GALNT13: variants seen among roughly 807,000 people sequenced by gnomAD.
GALNT13 encodes UDP-GalNAc:polypeptide N-acetylgalactosaminyltransferase 13.
GALNT13 carries 28 observed loss-of-function variants against 64.2 expected under a neutral mutation model. That is an observed-to-expected ratio of 0.44 (90% confidence interval 0.32 to 0.60). The LOEUF is 0.60. GALNT13 is among the 20% of genes least tolerant of loss of function. GALNT13 has a pLI of 0.05. For missense variants in GALNT13, 577 were observed against 669.8 expected (o/e 0.86, Z 1.53); for synonymous variants, 214 against 224.6 (o/e 0.95, Z 0.42).
chr2:153,835,954 C>A, the GALNT13 span, among the ~76,000 whole-genome samples: 3 of 151,940 alleles, frequency 2.0e-5, no homozygotes, highest in Non-Finnish European at 4.4e-5. Flanking sequence ...AATAGTGAAC[C>A]TATCAAAAGC....
At chr2:153,110,560 C>G in the GALNT13 span, among the ~76,000 whole-genome samples, 9 of 152,168 alleles carry the variant, frequency 5.9e-5, no homozygotes, top group South Asian at 1.0e-3. Flanking sequence ...GGATCAGGAG[C>G]TTTTGTTCCT....
chr2:153,690,379 A>C, the GALNT13 span, among the ~76,000 whole-genome samples: 3 of 152,258 alleles, frequency 2.0e-5, no homozygotes, highest in Middle Eastern at 6.8e-3. Context: ...ATTTATAGTC[A>C]AGCCTCTCTG....
At chr2:153,422,749 G>A in the GALNT13 span, among the ~76,000 whole-genome samples, 1 of 151,590 alleles carries the variant, frequency 6.6e-6, no homozygotes, top group Admixed American at 6.6e-5. Flanking sequence ...ACACTTTACA[G>A]AATAGATTCA....
chr2:153,420,751 AG>A, the GALNT13 span: 4 of 230,784 alleles, frequency 1.7e-5, no homozygotes, highest in African/African-American at 9.2e-5. Context: ...ATGTCCTCAC[AG>A]GCCTCAGAAA....
the GALNT13 span, among the ~76,000 whole-genome samples, chr2:153,717,162 A>G: frequency 5.9e-5 from 9 of 152,168 alleles, no homozygotes; most frequent in Admixed American, 1.3e-4. Flanking sequence ...GCATTCCCCA[A>G]TGAACATCTC....
the GALNT13 span, among the ~76,000 whole-genome samples, chr2:153,308,917 G>C: frequency 6.6e-6 from 1 of 151,924 alleles, no homozygotes; most frequent in Non-Finnish European, 1.5e-5. Flanking sequence ...AGGAGAGAAA[G>C]AGAAAAAAAA....
the GALNT13 span, among the ~76,000 whole-genome samples, chr2:153,554,712 C>G: frequency 6.6e-6 from 1 of 151,454 alleles, no homozygotes; most frequent in Non-Finnish European, 1.5e-5. Context: ...GTGTGCCACA[C>G]AAACTTTGTA....
At chr2:153,839,715 A>T in the GALNT13 span, among the ~76,000 whole-genome samples, 8 of 151,950 alleles carry the variant, frequency 5.3e-5, no homozygotes, top group Non-Finnish European at 1.0e-4. Context: ...TCTGTTTTGA[A>T]ATATACATTT....
chr2:153,074,679 TA>T, the GALNT13 span, among the ~76,000 whole-genome samples: 1 of 152,216 alleles, frequency 6.6e-6, no homozygotes, highest in African/African-American at 2.4e-5. Context: ...ATCATTGACG[TA>T]AATGTCATTA....
At chr2:153,707,944 T>A in the GALNT13 span, among the ~76,000 whole-genome samples, 5 of 152,122 alleles carry the variant, frequency 3.3e-5, no homozygotes, top group African/African-American at 4.8e-5. Context: ...TTAATTAGAC[T>A]GAGAAAATTA....
intron 8 of GALNT13, among the ~76,000 whole-genome samples, chr2:154,295,715 G>A (rs1484026386): frequency 6.6e-6 from 1 of 151,958 alleles, no homozygotes; most frequent in East Asian, 1.9e-4. Flanking sequence ...CTTGATTTTT[G>A]TAGGCACACA....
the GALNT13 span, among the ~76,000 whole-genome samples, chr2:153,605,896 A>C: frequency 6.6e-6 from 1 of 152,114 alleles, no homozygotes; most frequent in Non-Finnish European, 1.5e-5. Flanking sequence ...CTGAGATTTC[A>C]CGCAGTGTCT....
intron 8 of GALNT13, among the ~76,000 whole-genome samples, chr2:154,283,622 C>T (rs1203540110): frequency 8.0e-5 from 12 of 150,592 alleles, no homozygotes; most frequent in Admixed American, 7.9e-4. Flanking sequence ...AATGTAGAAA[C>T]GTGATGCTTT....
chr2:154,446,824 A>G, intron 12 of GALNT13: 5 of 1,416,094 alleles, frequency 3.5e-6, no homozygotes, highest in Non-Finnish European at 4.6e-6. Context: ...TCAGTTATTG[A>G]AATCTGGAAA....
At chr2:154,029,542 G>C (rs1462183174) in intron 3 of GALNT13, among the ~76,000 whole-genome samples, 1 of 152,114 alleles carries the variant, frequency 6.6e-6, no homozygotes, top group African/African-American at 2.4e-5. Flanking sequence ...CTCCTGAGTA[G>C]AATGATTCAA....
At chr2:154,111,304 GACCTT>G (rs1368505432) in intron 3 of GALNT13, among the ~76,000 whole-genome samples, 13 of 152,230 alleles carry the variant, frequency 8.5e-5, no homozygotes, top group African/African-American at 3.1e-4. Flanking sequence ...GTTTCCCATT[GACCTT>G]AATCACAGGG....
the GALNT13 span, among the ~76,000 whole-genome samples, chr2:153,747,387 ATTT>A: frequency 1.0e-5 from 1 of 97,588 alleles, no homozygotes; most frequent in Non-Finnish European, 2.1e-5. Flanking sequence ...TCTGGTAATC[ATTT>A]TTCTATTCTC....
At chr2:154,121,632 A>G (rs1238643906) in intron 3 of GALNT13, among the ~76,000 whole-genome samples, 1 of 151,950 alleles carries the variant, frequency 6.6e-6, no homozygotes, top group Non-Finnish European at 1.5e-5. Context: ...TTATTGCCAT[A>G]TTTTGAGTTT....
chr2:153,346,672 C>T, the GALNT13 span, among the ~76,000 whole-genome samples: 1 of 152,168 alleles, frequency 6.6e-6, no homozygotes, highest in Non-Finnish European at 1.5e-5. Flanking sequence ...CACTAAATTA[C>T]AAGTTTCTTC....
Sources: gnomAD v4.1 joint callset for allele counts (sites outside exome capture counted in the v4.1 genomes callset) on GRCh38, gnomAD v4.1.1 for gene constraint, MANE v1.5 for transcripts, NCBI Gene and HGNC (gene_info 2026-07-23, HGNC 2026-07-21) for gene names.